Variants in RBFOX1 observed in about 807,000 individuals in gnomAD.
RBFOX1 encodes RNA binding protein fox-1 homolog 1.
Under a neutral mutation model 57.7 loss-of-function variants are expected in RBFOX1, and 8 were observed. The ratio of observed to expected loss-of-function variants is 0.14; its 90% confidence interval spans 0.08 to 0.25. RBFOX1 has a LOEUF of 0.25. Among genes scored for constraint, RBFOX1 ranks in the 10% least tolerant of loss-of-function variants. RBFOX1 has a pLI of 1.00. For synonymous variants in RBFOX1, 326 were observed against 222.4 expected, an observed-to-expected ratio of 1.47 and a Z score of -4.15; for missense variants, 611 against 548.5, an observed-to-expected ratio of 1.11 and a Z score of -1.14.
chr16:7,211,383 C>A (rs887429184), intron 4 of RBFOX1, among the ~76,000 whole-genome samples: 3 of 114,092 alleles, frequency 2.6e-5, no homozygotes, highest in African/African-American at 1.1e-4. Flanking sequence ...CAGAGTGAGA[C>A]TGCCTCTCAA....
chr16:5,649,800 A>G (rs1054859378), intron 3 of RBFOX1, among the ~76,000 whole-genome samples: 14 of 152,210 alleles, frequency 9.2e-5, no homozygotes, highest in Non-Finnish European at 1.8e-4. Context: ...TGTTGACAAC[A>G]TGTACATGGG....
At chr16:5,831,253 C>G (rs2056260954) in intron 3 of RBFOX1, among the ~76,000 whole-genome samples, 1 of 151,936 alleles carries the variant, frequency 6.6e-6, no homozygotes, top group Non-Finnish European at 1.5e-5. Flanking sequence ...ACACTGTGCC[C>G]TTAGTGATGA....
intron 3 of RBFOX1, among the ~76,000 whole-genome samples, chr16:6,787,127 A>T (rs1049184342): frequency 6.6e-6 from 1 of 152,174 alleles, no homozygotes; most frequent in Non-Finnish European, 1.5e-5. Context: ...TCCTGCCCCA[A>T]TTGAGTGCTC....
At chr16:5,318,813 G>C (rs1354155036) in intron 1 of RBFOX1, among the ~76,000 whole-genome samples, 2 of 152,152 alleles carry the variant, frequency 1.3e-5, no homozygotes, top group Non-Finnish European at 2.9e-5. Flanking sequence ...AGGTGGGCCT[G>C]ACCTAATTGC....
At chr16:6,386,512 C>T (rs564588215) in intron 2 of RBFOX1, among the ~76,000 whole-genome samples, 6 of 152,148 alleles carry the variant, frequency 3.9e-5, no homozygotes, top group Non-Finnish European at 8.8e-5. Flanking sequence ...AACATGATTC[C>T]TGCACCTTTT....
At chr16:7,017,025 G>C (rs2093950394) in intron 3 of RBFOX1, among the ~76,000 whole-genome samples, 2 of 151,846 alleles carry the variant, frequency 1.3e-5, no homozygotes, top group South Asian at 4.2e-4. Context: ...CATGACTTTT[G>C]GCTTCATCCT....
chr16:7,213,300 A>T (rs1367571595), intron 4 of RBFOX1, among the ~76,000 whole-genome samples: 1 of 152,174 alleles, frequency 6.6e-6, no homozygotes, highest in South Asian at 2.1e-4. Flanking sequence ...GGTTGCCTTA[A>T]AAAATCACGT....
intron 1 of RBFOX1, among the ~76,000 whole-genome samples, chr16:5,466,976 T>A (rs2068972095): frequency 6.6e-6 from 1 of 152,238 alleles, no homozygotes; most frequent in South Asian, 2.1e-4. Flanking sequence ...TTATTTACCA[T>A]GTTCTCCCCC....
intron 4 of RBFOX1, among the ~76,000 whole-genome samples, chr16:7,516,927 C>T (rs951090201): frequency 8.6e-5 from 13 of 151,994 alleles, no homozygotes; most frequent in Non-Finnish European, 1.5e-5. Flanking sequence ...GTGGCAAGTA[C>T]TGAAGAGATA....
intron 3 of RBFOX1, among the ~76,000 whole-genome samples, chr16:6,858,017 AG>A (rs1300611436): frequency 6.6e-6 from 1 of 152,206 alleles, no homozygotes; most frequent in African/African-American, 2.4e-5. Flanking sequence ...GGAAAAGGCA[AG>A]GCTTTTCTCT....
chr16:7,486,197 G>C (rs555028300), intron 4 of RBFOX1, among the ~76,000 whole-genome samples: 1 of 135,664 alleles, frequency 7.4e-6, no homozygotes, highest in East Asian at 2.3e-4. Context: ...ATCTCAGCTC[G>C]CTGCAACCTC....
chr16:7,011,906 C>T (rs929452191), intron 3 of RBFOX1, among the ~76,000 whole-genome samples: 1 of 152,302 alleles, frequency 6.6e-6, no homozygotes, highest in Admixed American at 6.5e-5. Context: ...ATTGCATGCT[C>T]TTCCACCCCA....
intron 1 of RBFOX1, among the ~76,000 whole-genome samples, chr16:6,275,497 T>C (rs1043027951): frequency 3.3e-5 from 5 of 152,170 alleles, no homozygotes; most frequent in African/African-American, 4.8e-5. Flanking sequence ...TATTAACACC[T>C]TTATTTTCAT....
intron 4 of RBFOX1, among the ~76,000 whole-genome samples, chr16:7,062,347 A>G (rs2054623900): frequency 6.6e-6 from 1 of 151,288 alleles, no homozygotes; most frequent in South Asian, 2.1e-4. Flanking sequence ...AAGAAAAGAA[A>G]AAAGGAAAAA....
chr16:6,877,625 G>C (rs930309098), intron 3 of RBFOX1, among the ~76,000 whole-genome samples: 2 of 152,148 alleles, frequency 1.3e-5, no homozygotes, highest in African/African-American at 4.8e-5. Context: ...TATTGCTTTA[G>C]AGTTCACAAA....
chr16:6,835,752 TAAAAAA>T (rs56299805), intron 3 of RBFOX1, among the ~76,000 whole-genome samples: 7,311 of 76,994 alleles, frequency 0.095, 343 homozygotes, highest in Non-Finnish European at 0.13. Flanking sequence ...AGACTCTGCT[TAAAAAA>T]AAAAAAAAAA....
intron 3 of RBFOX1, among the ~76,000 whole-genome samples, chr16:6,825,808 A>C (rs900964284): frequency 6.6e-6 from 1 of 152,188 alleles, no homozygotes; most frequent in African/African-American, 2.4e-5. Flanking sequence ...AGACAGAGGC[A>C]GCGATCCTGC....
rs141343711 is a variant in RBFOX1 at position 6,551,479 on chromosome 16, T to A, written c.-63-103124T>A. 3.8e-3 allele frequency among the ~76,000 whole-genome samples: 582 copies of A among 152,314 alleles called. 12 individuals are homozygous for A. Among genetic ancestry groups the A allele is most frequent in the Admixed American group, 0.033 (500 of 15,280 alleles). Reference sequence around the variant, plus strand: ...TACGCTGTCTAACATAAGTAACCATTTAGCAAATGACAGCTATTACTTGTA... The same window carrying A: ...TACGCTGTCTAACATAAGTAACCATATAGCAAATGACAGCTATTACTTGTA... On this transcript the variant is annotated intron_variant, in intron 2 of 15. Coordinates refer to ENST00000550418, the MANE Select transcript of RBFOX1 (RefSeq NM_018723.4).
chr16:7,142,164 C>A (rs150030680), intron 4 of RBFOX1, among the ~76,000 whole-genome samples: 174 of 152,142 alleles, frequency 1.1e-3, no homozygotes, highest in African/African-American at 4.1e-3. Context: ...GCTGGGACTG[C>A]GAGCACACAC....
Sources: gnomAD v4.1 joint callset for allele counts (sites outside exome capture counted in the v4.1 genomes callset) on GRCh38, gnomAD v4.1.1 for gene constraint, MANE v1.5 for transcripts, NCBI Gene and HGNC (gene_info 2026-07-23, HGNC 2026-07-21) for gene names.